ITGA9: variants seen among roughly 807,000 people sequenced by gnomAD.
The protein encoded by ITGA9 is integrin subunit alpha 9.
ITGA9 carries 56 observed loss-of-function variants against 127.8 expected under a neutral mutation model. That is an observed-to-expected ratio of 0.44 (90% CI 0.35 to 0.55). The LOEUF is 0.55. Ranked by LOEUF, ITGA9 falls within the 20% of genes least tolerant of loss-of-function variation. ITGA9 has a pLI of 0.00. For synonymous variants in ITGA9, 508 were observed against 514.5 expected, an observed-to-expected ratio of 0.99 and a Z score of 0.17; for missense variants, 1,196 against 1,347.1, an observed-to-expected ratio of 0.89 and a Z score of 1.76.
At chr3:37,652,777 A>T (rs903866681) in intron 16 of ITGA9, among the ~76,000 whole-genome samples, 1 of 152,340 alleles carries the variant, frequency 6.6e-6, no homozygotes, top group East Asian at 1.9e-4. Flanking sequence ...CTTCTCTCCA[A>T]ATTCCACTGA....
chr3:37,569,519 A>T (rs1436511437), intron 15 of ITGA9, among the ~76,000 whole-genome samples: 1 of 152,184 alleles, frequency 6.6e-6, no homozygotes, highest in Admixed American at 6.5e-5. Flanking sequence ...GGTATGAAAG[A>T]CTGTAGGTCT....
At chr3:37,543,593 T>A (rs1251741009) in intron 15 of ITGA9, among the ~76,000 whole-genome samples, 1 of 152,242 alleles carries the variant, frequency 6.6e-6, no homozygotes, top group Non-Finnish European at 1.5e-5. Context: ...CTTTTTGACT[T>A]ACAAAAATGG....
chr3:37,585,795 G>GC lies in ITGA9; in HGVS notation c.1689+43210_1689+43211insC, dbSNP rs140414819. On this transcript the variant is annotated intron_variant, in intron 15 of 27. Transcript: ENST00000264741. ...TGGTTTTCTTAAGCAGGAAGAAGGG[G>GC]GCCCCCCCAATTTTAATTTACTGAA... is the stretch of plus-strand genomic sequence containing the variant. Among the ~76,000 whole-genome samples the GC allele has an allele frequency of 1.6e-3, 212 of 128,578 alleles. 1 individual carries two copies. Among genetic ancestry groups the GC allele is most frequent in the Middle Eastern group, 4.1e-3 (1 of 246 alleles). 84.4% of individuals were successfully genotyped at this position (128,578 alleles called of 152,430 possible).
chr3:37,766,625 T>G (rs1696782851), intron 23 of ITGA9, among the ~76,000 whole-genome samples: 1 of 152,212 alleles, frequency 6.6e-6, no homozygotes, highest in Admixed American at 6.5e-5. Flanking sequence ...GGTCTGAGCT[T>G]CATTCTTTAC....
At chr3:37,779,760 G>C in intron 24 of ITGA9, 142 bp from the exon 25 acceptor site, 1 of 810,042 alleles carries the variant, frequency 1.2e-6, no homozygotes, top group Non-Finnish European at 2.1e-6. Context: ...TGGCGAGAAA[G>C]AACGATTGCA....
chr3:37,773,378 T>C (rs561007662), intron 23 of ITGA9, among the ~76,000 whole-genome samples: 3 of 152,320 alleles, frequency 2.0e-5, no homozygotes, highest in African/African-American at 7.2e-5. Flanking sequence ...TCAGCAGATG[T>C]CCACTCCAGA....
At chr3:37,630,215 G>C (rs1267964096) in intron 16 of ITGA9, among the ~76,000 whole-genome samples, 2 of 152,156 alleles carry the variant, frequency 1.3e-5, no homozygotes, top group Non-Finnish European at 2.9e-5. Context: ...CACAGAGAAG[G>C]GTTTGGGATT....
At chr3:37,777,290 G>T in intron 23 of ITGA9, 102 bp from the exon 24 acceptor site, 2 of 1,315,272 alleles carry the variant, frequency 1.5e-6, no homozygotes, top group Non-Finnish European at 2.2e-6. Context: ...AGGAGGAAAG[G>T]TGAATTGGGG....
chr3:37,626,886 A>T (rs1700180821), intron 15 of ITGA9, among the ~76,000 whole-genome samples: 2 of 152,252 alleles, frequency 1.3e-5, no homozygotes, highest in South Asian at 4.1e-4. Context: ...TTAAGGATTT[A>T]AATGCAAAAC....
intron 18 of ITGA9, among the ~76,000 whole-genome samples, chr3:37,704,613 C>T (rs1700984030): frequency 1.3e-5 from 2 of 152,196 alleles, no homozygotes; most frequent in Non-Finnish European, 2.9e-5. Context: ...TCCACCACCA[C>T]CATCCAACTC....
At chr3:37,683,327 A>C (rs1014649244) in intron 17 of ITGA9, among the ~76,000 whole-genome samples, 2 of 152,136 alleles carry the variant, frequency 1.3e-5, no homozygotes, top group African/African-American at 4.8e-5. Flanking sequence ...TGATCACCTT[A>C]TTGTAAATTG....
rs1700206823 is a variant in ITGA9, at chr3:37,629,248, A to G, written c.1751A>G (p.His584Arg). The G allele has an allele frequency of 6.2e-7, 1 of 1,613,916 alleles. No individual in the cohort carries two copies. Among genetic ancestry groups the G allele is most frequent in the Non-Finnish European group, 8.5e-7 (1 of 1,179,976 alleles). ...VFEAAYSLSE[H>R]VTGEEERELP... ...GAAGCAGCCTACAGCCTCAGTGAGC[A>G]TGTGACTGGAGAGGAGGAGAGGGAA... Residue 584 changes from histidine to arginine, a missense_variant, in exon 16 of 28, where the codon CAT (histidine) becomes CGT (arginine). Coordinates refer to ENST00000264741, the MANE Select transcript of ITGA9 (RefSeq NM_002207.3). This position sits in a 1 kb window ranked among gnomAD's most constrained non-coding sequence, Gnocchi z 4.5.
At chr3:37,762,307 G>A (rs556404940) in intron 23 of ITGA9, among the ~76,000 whole-genome samples, 2 of 152,346 alleles carry the variant, frequency 1.3e-5, no homozygotes, top group South Asian at 4.1e-4. Context: ...GTATACAGGG[G>A]AGGCTTCAGA....
At chr3:37,732,182 C>G (rs1349268490) in intron 18 of ITGA9, among the ~76,000 whole-genome samples, 6 of 152,162 alleles carry the variant, frequency 3.9e-5, no homozygotes, top group Non-Finnish European at 4.4e-5. Flanking sequence ...GCTGGCTACA[C>G]TTGGAAACCT....
chr3:37,602,603 A>G (rs1471782734), intron 15 of ITGA9, among the ~76,000 whole-genome samples: 1 of 152,012 alleles, frequency 6.6e-6, no homozygotes, highest in African/African-American at 2.4e-5. Flanking sequence ...AGTTTTTTTA[A>G]TTTTTATTTT....
At chr3:37,719,348 G>A (rs1701166788) in intron 18 of ITGA9, among the ~76,000 whole-genome samples, 1 of 152,170 alleles carries the variant, frequency 6.6e-6, no homozygotes, top group South Asian at 2.1e-4. Flanking sequence ...GGCTCCATGA[G>A]CTGACAGGTT....
Position 37,799,093 on chromosome 3 carries a change from T to G in ITGA9, c.2890-4730T>G, listed in dbSNP as rs1045936244. Among the ~76,000 whole-genome samples the G allele has an allele frequency of 6.6e-6, 1 of 152,246 alleles. No individual in the cohort carries two copies. Among genetic ancestry groups the G allele is most frequent in the Non-Finnish European group, 1.5e-5 (1 of 68,056 alleles). Reference sequence around the variant, plus strand: ...GAACATCTTTGAGCATAAAACTTTTTCCGTATTTTATATTTATTTCCTTTG... The same window carrying G: ...GAACATCTTTGAGCATAAAACTTTTGCCGTATTTTATATTTATTTCCTTTG... On this transcript the variant is annotated intron_variant, in intron 26 of 27. Transcript: ENST00000264741. The surrounding 1 kb of genome is among the most constrained non-coding windows in gnomAD (Gnocchi z 4.0).
At chr3:37,626,853 A>G (rs1458143150) in intron 15 of ITGA9, among the ~76,000 whole-genome samples, 1 of 152,224 alleles carries the variant, frequency 6.6e-6, no homozygotes, top group African/African-American at 2.4e-5. Flanking sequence ...GAATAACAAC[A>G]TCATAACTGA....
chr3:37,684,762 C>G (rs1238569564), intron 18 of ITGA9, among the ~76,000 whole-genome samples: 7 of 152,198 alleles, frequency 4.6e-5, no homozygotes, highest in African/African-American at 9.7e-5. Flanking sequence ...ACCCACCGCC[C>G]CTGGCCTTCC....
Sources: allele counts gnomAD v4.1 joint callset (sites outside exome capture counted in the v4.1 genomes callset), GRCh38; gene constraint gnomAD v4.1.1; non-coding constraint Gnocchi (gnomAD v3.1); transcripts MANE v1.5; gene names NCBI Gene and HGNC (gene_info 2026-07-23, HGNC 2026-07-21).